ZNF148: variants seen among roughly 807,000 people sequenced by gnomAD.
The protein encoded by ZNF148 is Beta-Enolase Repressor Factor-1.
In ZNF148, 7 loss-of-function variants were observed where a neutral mutation model predicts 67.7. That is an observed-to-expected ratio of 0.10 (90% confidence interval 0.06 to 0.19). The LOEUF is 0.19. Ranked by LOEUF, ZNF148 falls within the 10% of genes least tolerant of loss-of-function variation. The pLI, the probability that ZNF148 is intolerant of heterozygous loss-of-function variation, is 1.00. For synonymous variants in ZNF148, 333 were observed against 330.7 expected (o/e 1.01, Z -0.08); for missense variants, 583 against 947.1 (o/e 0.62, Z 5.05).
At chr3:125,257,604 C>T (rs564513429) in intron 7 of ZNF148, among the ~76,000 whole-genome samples, 4 of 148,558 alleles carry the variant, frequency 2.7e-5, no homozygotes, top group African/African-American at 9.9e-5. Flanking sequence ...TTCTCCAGAG[C>T]ACATACAGGG....
chr3:125,271,791 G>A (rs573583427), intron 7 of ZNF148, among the ~76,000 whole-genome samples: 1 of 152,158 alleles, frequency 6.6e-6, no homozygotes, highest in East Asian at 1.9e-4. Flanking sequence ...GAATTGCTAG[G>A]TTTTTTTAAA....
At chr3:125,274,127 A>G (rs1442088448) in intron 7 of ZNF148, among the ~76,000 whole-genome samples, 1 of 152,216 alleles carries the variant, frequency 6.6e-6, no homozygotes, top group South Asian at 2.1e-4. Context: ...ACCTTAGACA[A>G]GGAAAGGGCA....
chr3:125,343,943 T>G lies in ZNF148; in HGVS notation c.-233-12705A>C, dbSNP rs551902309. 4 of 163,880 alleles carry G rather than the reference T, an allele frequency of 2.4e-5. No homozygotes were observed. In the South Asian group the frequency reaches 7.0e-4, roughly 29 times the overall value. The allele number at this position is 163,880 out of a possible 1,614,324, so 10.2% of individuals were successfully genotyped here. On this transcript the variant is annotated intron_variant, in intron 1 of 8. Transcript: ENST00000360647. ...GACAAATGGGGACTCTGTTGAGCTG[T>G]CTATAAATACTTTAGATTTGGTACA...
intron 7 of ZNF148, among the ~76,000 whole-genome samples, chr3:125,269,919 G>A (rs1355336377): frequency 6.6e-6 from 1 of 151,930 alleles, no homozygotes; most frequent in African/African-American, 2.4e-5. Flanking sequence ...ACACACAGAC[G>A]TAAAAAATGG....
chr3:125,331,767 AT>A (rs1300206359), intron 1 of ZNF148, among the ~76,000 whole-genome samples: 2 of 152,192 alleles, frequency 1.3e-5, no homozygotes, highest in African/African-American at 2.4e-5. Context: ...GTCCATCGAT[AT>A]TTTTTAAACA....
chr3:125,284,051 T>A (rs532562958), intron 5 of ZNF148, among the ~76,000 whole-genome samples: 1 of 152,266 alleles, frequency 6.6e-6, no homozygotes, highest in Non-Finnish European at 1.5e-5. Flanking sequence ...GAGAGATACA[T>A]TTCAGAATAA....
At chr3:125,350,049 A>T (rs1232960628) in intron 1 of ZNF148, among the ~76,000 whole-genome samples, 1 of 152,192 alleles carries the variant, frequency 6.6e-6, no homozygotes, top group Non-Finnish European at 1.5e-5. Context: ...AATGGTGCAT[A>T]ATATTTTTTT....
chr3:125,368,651 A>G (rs1477446110), intron 1 of ZNF148, among the ~76,000 whole-genome samples: 2 of 152,254 alleles, frequency 1.3e-5, no homozygotes, highest in Non-Finnish European at 2.9e-5. Flanking sequence ...ATTATTTAAA[A>G]GTGTGCCTCT....
intron 7 of ZNF148, among the ~76,000 whole-genome samples, chr3:125,244,904 A>G (rs1026248265): frequency 6.8e-6 from 1 of 146,036 alleles, no homozygotes; most frequent in South Asian, 2.2e-4. Context: ...TACTCCTTCA[A>G]CCTCTCCAAC....
intron 2 of ZNF148, 95 bp from the exon 3 acceptor site, chr3:125,323,539 A>G (rs1321418015): frequency 2.0e-6 from 1 of 508,326 alleles, no homozygotes; most frequent in Admixed American, 3.7e-5. Context: ...TACTGAAGTG[A>G]AAATTCTTTC....
At chr3:125,355,683 TTG>T (rs992908942) in intron 1 of ZNF148, among the ~76,000 whole-genome samples, 1 of 151,866 alleles carries the variant, frequency 6.6e-6, no homozygotes, top group African/African-American at 2.4e-5. Context: ...GGCCAGGTGT[TTG>T]AGACCAGGCT....
chr3:125,248,222 G>A (rs867742666), intron 7 of ZNF148, among the ~76,000 whole-genome samples: 3 of 152,136 alleles, frequency 2.0e-5, no homozygotes, highest in East Asian at 1.9e-4. Context: ...ATCCCAAAAC[G>A]TACAACAGAT....
At chr3:125,372,612 A>G (rs1942926425) in intron 1 of ZNF148, among the ~76,000 whole-genome samples, 2 of 152,250 alleles carry the variant, frequency 1.3e-5, no homozygotes, top group South Asian at 4.1e-4. Context: ...TGGAACTGCA[A>G]TAGGCAGGTG....
chr3:125,253,486 T>G (rs781780817), intron 7 of ZNF148, among the ~76,000 whole-genome samples: 2 of 152,186 alleles, frequency 1.3e-5, no homozygotes, highest in Non-Finnish European at 2.9e-5. Context: ...AATACCATGT[T>G]GAACAGAAGT....
intron 1 of ZNF148, among the ~76,000 whole-genome samples, chr3:125,374,820 A>G (rs916848235): frequency 1.3e-5 from 2 of 151,038 alleles, no homozygotes; most frequent in Non-Finnish European, 3.0e-5. Context: ...CCTACCTCTG[A>G]CACCCGCCTC....
At position 125,279,106 on chromosome 3, in the gene ZNF148, T is replaced by C; in HGVS notation, c.583+18A>G. 6.3e-7 allele frequency: 1 copy of C among 1,585,824 alleles called. No individual in the cohort carries two copies. The highest frequency in any genetic ancestry group is 1.2e-5 in the South Asian group (1 of 84,118). ...AATAACTTTAATGGCCACAAGCCCA[T>C]TTTAATTCAAGAAATACCTGTATGA... On this transcript the variant is annotated intron_variant, in intron 6 of 8. Transcript: ENST00000360647.
At chr3:125,297,906 T>A (rs974238498) in intron 4 of ZNF148, among the ~76,000 whole-genome samples, 3 of 152,114 alleles carry the variant, frequency 2.0e-5, no homozygotes, top group African/African-American at 4.8e-5. Flanking sequence ...ACAAGTGACA[T>A]CCAAGAATAT....
intron 1 of ZNF148, among the ~76,000 whole-genome samples, chr3:125,367,210 C>T (rs1156360034): frequency 2.0e-5 from 3 of 152,214 alleles, no homozygotes; most frequent in Admixed American, 2.0e-4. Context: ...TCTGTTGACT[C>T]TTATCCTTCA....
intron 1 of ZNF148, among the ~76,000 whole-genome samples, chr3:125,342,606 C>G (rs932141225): frequency 6.6e-6 from 1 of 150,650 alleles, no homozygotes; most frequent in Non-Finnish European, 1.5e-5. Flanking sequence ...AAAAAAAAGT[C>G]TCTAGCACAC....
Sources: gnomAD v4.1 joint callset for allele counts (sites outside exome capture counted in the v4.1 genomes callset) on GRCh38, gnomAD v4.1.1 for gene constraint, MANE v1.5 for transcripts, NCBI Gene and HGNC (gene_info 2026-07-23, HGNC 2026-07-21) for gene names.